Variants in MEMO1 observed in about 807,000 individuals in gnomAD.
MEMO1 encodes mediator of cell motility 1, also known as protein MEMO1.
MEMO1 carries 6 observed loss-of-function variants against 45.2 expected under a neutral mutation model. The ratio of observed to expected loss-of-function variants is 0.13; its 90% confidence interval spans 0.07 to 0.26. The LOEUF (loss-of-function observed/expected upper bound fraction) is 0.26, where lower values mean the gene tolerates loss of function less well. MEMO1 is among the 10% of genes least tolerant of loss of function. The pLI is 1.00. For missense variants in MEMO1, 184 were observed against 370.5 expected (o/e 0.50, Z 4.13); for synonymous variants, 78 against 124.3 (o/e 0.63, Z 2.48).
chr2:31,920,861 A>T lies in MEMO1; in HGVS notation c.262T>A (p.Cys88Ser). 1 of 1,612,610 alleles carries T rather than the reference A, an allele frequency of 6.2e-7. No homozygotes were observed. The highest frequency in any genetic ancestry group is 8.5e-7 in the Non-Finnish European group (1 of 1,179,358). The change falls in exon 5 of 10, where the codon TGT becomes AGT. Residue 88 changes from cysteine (C) to serine (S), a missense_variant. Physicochemically the swap from Cys to Ser is moderately radical, Grantham distance 112. Around this residue, in one of 3 missense-constraint regions of MEMO1, gnomAD observed 60 missense variants for 79.2 expected, o/e 0.76. Coordinates refer to ENST00000404530, the MANE Select transcript of MEMO1 (RefSeq NM_001301833.4). Reference sequence around the variant, plus strand: ...TATATATCCACACTGGAAAGTGCACATCGAGAGAGGGGCACATGATGAGAA... The same window carrying T: ...TATATATCCACACTGGAAAGTGCACTTCGAGAGAGGGGCACATGATGAGAA... ...GPSHHVPLSR[C>S]ALSSVDIYRT...
chr2:31,982,162 T>C (rs573533485), intron 2 of MEMO1, among the ~76,000 whole-genome samples: 26 of 149,098 alleles, frequency 1.7e-4, no homozygotes, highest in Non-Finnish European at 3.4e-4. Context: ...CTGGGCTTGG[T>C]GGTGGGTGCC....
At chr2:31,990,455 GTTTT>G (rs1179054471) in intron 2 of MEMO1, among the ~76,000 whole-genome samples, 1 of 151,230 alleles carries the variant, frequency 6.6e-6, no homozygotes, top group Non-Finnish European at 1.5e-5. Context: ...GGTGTTTTTG[GTTTT>G]TTCTTTTTTT....
intron 4 of MEMO1, among the ~76,000 whole-genome samples, chr2:31,925,492 A>AAAAAAAAAAAAAAAAAAG (rs1558507956): frequency 1.5e-5 from 2 of 133,846 alleles, no homozygotes; most frequent in African/African-American, 5.2e-5. Context: ...AAAAAAAAAA[A>AAAAAAAAAAAAAAAAAAG]AAAAAAATCT....
At chr2:31,870,903 G>A (rs1419072647) in intron 8 of MEMO1, among the ~76,000 whole-genome samples, 4 of 152,122 alleles carry the variant, frequency 2.6e-5, no homozygotes, top group African/African-American at 9.7e-5. Context: ...TTATGAACAA[G>A]ATTAATAATA....
At chr2:31,994,855 G>C (rs1435428107) in intron 2 of MEMO1, among the ~76,000 whole-genome samples, 1 of 151,928 alleles carries the variant, frequency 6.6e-6, no homozygotes, top group Non-Finnish European at 1.5e-5. Flanking sequence ...GGCTGAGGCA[G>C]GAGGATCAAT....
intron 6 of MEMO1, among the ~76,000 whole-genome samples, chr2:31,894,253 C>T (rs1677386764): frequency 6.6e-6 from 1 of 152,152 alleles, no homozygotes; most frequent in Non-Finnish European, 1.5e-5. Flanking sequence ...GGAAACCTGG[C>T]ATCTTACCAG....
intron 7 of MEMO1, among the ~76,000 whole-genome samples, chr2:31,889,514 A>T (rs1481753852): frequency 6.6e-6 from 1 of 152,098 alleles, no homozygotes; most frequent in East Asian, 1.9e-4. Flanking sequence ...TTTAGGAAAG[A>T]TACCCATCGC....
intron 2 of MEMO1, among the ~76,000 whole-genome samples, chr2:32,001,275 G>A (rs1222253251): frequency 4.6e-5 from 7 of 151,440 alleles, no homozygotes; most frequent in South Asian, 2.1e-4. Context: ...TCCTGACCTC[G>A]TGATCCGCCC....
intron 4 of MEMO1, chr2:31,923,727 T>C: frequency 1.3e-6 from 2 of 1,539,592 alleles, no homozygotes; most frequent in Non-Finnish European, 1.7e-6. Flanking sequence ...AGAGCACTCC[T>C]GGAAAATCTG....
chr2:31,950,467 C>G (rs1254972506), intron 2 of MEMO1, among the ~76,000 whole-genome samples: 1 of 151,206 alleles, frequency 6.6e-6, no homozygotes, highest in Non-Finnish European at 1.5e-5. Context: ...ACCTGTAATC[C>G]CAGCACTTTA....
At chr2:31,941,406 C>CT (rs1665598578) in intron 3 of MEMO1, among the ~76,000 whole-genome samples, 1 of 152,132 alleles carries the variant, frequency 6.6e-6, no homozygotes, top group Admixed American at 6.5e-5. Flanking sequence ...AAAACAGTAA[C>CT]ACCCTACCCA....
In MEMO1 at chr2:31,910,102, A is replaced by G. The variant is rs910831410; in HGVS notation, c.437+7824T>C. On this transcript the variant is annotated intron_variant, in intron 6 of 9. Transcript: ENST00000404530. ...GAAACCGTGCAAGAAGTGATAAAAT[A>G]AAGTGCTGATAGCGAAAGAAAAAAA... Among the ~76,000 whole-genome samples the G allele has an allele frequency of 2.0e-5, 3 of 152,128 alleles. No homozygotes were observed. The East Asian group carries it at 5.8e-4, about 29-fold the overall frequency.
chr2:31,930,127 G>T (rs1468193238), intron 4 of MEMO1, among the ~76,000 whole-genome samples: 1 of 152,186 alleles, frequency 6.6e-6, no homozygotes, highest in Non-Finnish European at 1.5e-5. Flanking sequence ...ACTCAGTGTG[G>T]TGGCGTGCAC....
rs534758844 is a variant in MEMO1, at chr2:31,937,360, T to C, written c.144-5225A>G. On this transcript the variant is annotated intron_variant, in intron 3 of 9. Coordinates refer to ENST00000404530, the MANE Select transcript of MEMO1 (RefSeq NM_001301833.4). ...TGAACTAACCAGAATGTTGCATATC[T>C]AGATATTTTTTGTACTGTCATATAG... Among the ~76,000 whole-genome samples, 158 of 152,362 alleles carry C rather than the reference T, an allele frequency of 1.0e-3. 1 individual carries two copies. Among genetic ancestry groups the C allele is most frequent in the African/African-American group, 3.8e-3 (156 of 41,584 alleles).
At chr2:31,913,157 C>G (rs998377223) in intron 6 of MEMO1, among the ~76,000 whole-genome samples, 1 of 143,812 alleles carries the variant, frequency 7.0e-6, no homozygotes, top group African/African-American at 2.6e-5. Context: ...CCCAACTACT[C>G]GGGAGGCTGA....
In MEMO1 at chr2:31,917,859, A is replaced by G. The variant is rs570831313; in HGVS notation, c.437+67T>C. On this transcript the variant is annotated intron_variant, in intron 6 of 9. Transcript: ENST00000404530. ...ACCCTGATAATTACTAGGATTTACT[A>G]GTTTTAAATTACCAAAGAAATTAAT... is the stretch of plus-strand genomic sequence containing the variant. The G allele has an allele frequency of 5.9e-6, 6 of 1,017,682 alleles. 1 individual carries two copies. Among genetic ancestry groups the G allele is most frequent in the South Asian group, 5.0e-5 (3 of 60,218 alleles). 63.0% of individuals were successfully genotyped at this position (1,017,682 alleles called of 1,614,324 possible).
intron 6 of MEMO1, among the ~76,000 whole-genome samples, chr2:31,903,348 T>C (rs2148059082): frequency 7.0e-6 from 1 of 143,126 alleles, no homozygotes; most frequent in East Asian, 2.1e-4. Flanking sequence ...CCAAGGTTGT[T>C]GTCATAGTAA....
intron 2 of MEMO1, among the ~76,000 whole-genome samples, chr2:31,999,312 CATT>C (rs968243459): frequency 2.6e-5 from 4 of 152,108 alleles, no homozygotes; most frequent in African/African-American, 9.7e-5. Flanking sequence ...ATTAAATCTA[CATT>C]AGATCATGCC....
intron 6 of MEMO1, among the ~76,000 whole-genome samples, chr2:31,902,338 C>A (rs536772698): frequency 2.0e-5 from 3 of 151,882 alleles, no homozygotes; most frequent in African/African-American, 7.2e-5. Flanking sequence ...GTGGAGGTTG[C>A]GCTGAGCCGA....
Sources: allele counts gnomAD v4.1 joint callset (sites outside exome capture counted in the v4.1 genomes callset), GRCh38; gene constraint gnomAD v4.1.1; regional missense constraint gnomAD v4.1.1; transcripts MANE v1.5; gene names NCBI Gene and HGNC (gene_info 2026-07-23, HGNC 2026-07-21).